Variants in GCNT2 observed in about 807,000 individuals in gnomAD.
The protein encoded by GCNT2 is glucosaminyl (N-acetyl) transferase 2 (I blood group).
A neutral mutation model predicts 34.2 loss-of-function variants in GCNT2; 34 were observed. The ratio of observed to expected loss-of-function variants is 1.00; its 90% CI spans 0.76 to 1.32. The LOEUF (loss-of-function observed/expected upper bound fraction) is 1.32, where lower values mean the gene tolerates loss of function less well. GCNT2 is among the 40% of genes most tolerant of loss of function. GCNT2 has a pLI of 0.00. For synonymous variants in GCNT2, 212 were observed against 188.0 expected, an observed-to-expected ratio of 1.13 and a Z score of -1.04; for missense variants, 584 against 489.4, an observed-to-expected ratio of 1.19 and a Z score of -1.82.
intron 3 of GCNT2, among the ~76,000 whole-genome samples, chr6:10,539,365 T>G (rs1223486279): frequency 6.6e-6 from 1 of 151,772 alleles, no homozygotes; most frequent in South Asian, 2.1e-4. Flanking sequence ...AATTTTGTAT[T>G]TTTAGTAGAG....
intron 3 of GCNT2, among the ~76,000 whole-genome samples, chr6:10,535,876 GT>G (rs1561783087): frequency 6.6e-6 from 1 of 152,120 alleles, no homozygotes. Flanking sequence ...CTTCCAATTT[GT>G]TTTTCCCCTG....
In GCNT2 at chr6:10,628,147, T is replaced by A. The variant is rs4621625; in HGVS notation, c.*1540T>A. 6.6e-6 allele frequency: 1 copy of A among 152,566 alleles called. No homozygotes were observed. The highest frequency in any genetic ancestry group is 2.1e-4 in the South Asian group (1 of 4,826). 9.5% of individuals were successfully genotyped at this position (152,566 alleles called of 1,614,324 possible). ...AGGTGAAATAAAGCCATATTTAGTA[T>A]ACCAGAGAAGGTAGATTTTAAGAAT... On this transcript the variant is annotated 3_prime_UTR_variant, in exon 5 of 5. Transcript: ENST00000495262.
chr6:10,611,557 T>A (rs558171083), intron 3 of GCNT2, among the ~76,000 whole-genome samples: 1 of 151,998 alleles, frequency 6.6e-6, no homozygotes, highest in Admixed American at 6.6e-5. Context: ...TCTCGATCTC[T>A]TGATCTCGTG....
intron 3 of GCNT2, among the ~76,000 whole-genome samples, chr6:10,532,109 G>A (rs1761521331): frequency 6.6e-6 from 1 of 152,074 alleles, no homozygotes; most frequent in African/African-American, 2.4e-5. Context: ...CAAAGCCAAG[G>A]GAAGCAGGGC....
In GCNT2 at chr6:10,627,322, TTAAGAACAC is replaced by T. The variant is rs1324983038; in HGVS notation, c.*719_*727del. The T allele has an allele frequency of 6.6e-6, 1 of 152,326 alleles. No homozygotes were observed. The highest frequency in any genetic ancestry group is 1.5e-5 in the Non-Finnish European group (1 of 68,126). 9.4% of individuals were successfully genotyped at this position (152,326 alleles called of 1,614,324 possible). ...GCTGGTCCCTATGTCATGTCTTCCA[TTAAGAACAC>T]TAAAAAGTCCTTGCAAGAATGGAGA... is the stretch of plus-strand genomic sequence containing the variant. On this transcript the variant is annotated 3_prime_UTR_variant, in exon 5 of 5. Coordinates refer to ENST00000495262, the MANE Select transcript of GCNT2 (RefSeq NM_145649.5).
At chr6:10,624,368 CAGAATGAGAGCCA>C (rs923647477) in intron 4 of GCNT2, among the ~76,000 whole-genome samples, 23 of 152,254 alleles carry the variant, frequency 1.5e-4, no homozygotes, top group South Asian at 1.0e-3. Flanking sequence ...GCAGGAAAAA[CAGAATGAGAGCCA>C]AGAATGAGAG....
At chr6:10,579,136 A>G (rs531024529) in intron 3 of GCNT2, among the ~76,000 whole-genome samples, 2 of 151,922 alleles carry the variant, frequency 1.3e-5, no homozygotes, top group South Asian at 4.2e-4. Context: ...ATTGTCATGT[A>G]CTCTGCCTGC....
intron 3 of GCNT2, among the ~76,000 whole-genome samples, chr6:10,585,068 TGTGTGTGTGTGC>T (rs70991031): frequency 0.11 from 14,175 of 126,388 alleles, 882 homozygotes; most frequent in Middle Eastern, 0.15. Flanking sequence ...TGTGTGTGTG[TGTGTGTGTGTGC>T]GCGCTATATT....
At chr6:10,539,180 CTTTTTTTTTTTTT>C (rs71548847) in intron 3 of GCNT2, among the ~76,000 whole-genome samples, 2 of 65,328 alleles carry the variant, frequency 3.1e-5, no homozygotes, top group African/African-American at 1.2e-4. Flanking sequence ...CTCACCGTCT[CTTTTTTTTTTTTT>C]TTTTTTTTTT....
chr6:10,575,937 C>CG (rs1245325725), intron 3 of GCNT2, among the ~76,000 whole-genome samples: 5 of 148,052 alleles, frequency 3.4e-5, no homozygotes, highest in Non-Finnish European at 3.0e-5. Context: ...ACGGCCCCAC[C>CG]CCATCTCCCT....
At chr6:10,585,615 A>C (rs1281683315) in intron 3 of GCNT2, 1 of 313,026 alleles carries the variant, frequency 3.2e-6, no homozygotes, top group Non-Finnish European at 5.8e-6. Context: ...AGCAAGAGAA[A>C]CTCGGCTCCA....
rs76874923 is a variant in GCNT2 at position 10,531,303 on chromosome 6, G to A, written c.925+1467G>A. Among the ~76,000 whole-genome samples, 694 of 152,280 alleles carry A rather than the reference G, an allele frequency of 4.6e-3. 4 individuals carry two copies. The highest frequency in any genetic ancestry group is 0.016 in the African/African-American group (668 of 41,546). On this transcript the variant is annotated intron_variant, in intron 3 of 4. Coordinates refer to ENST00000495262, the MANE Select transcript of GCNT2 (RefSeq NM_145649.5). ...AAGTTGTTTATAGTGAACCAATTTA[G>A]TCCTGCTAGTTCAATTCAAAATAAG...
At chr6:10,595,901 G>A (rs1172359338) in intron 3 of GCNT2, among the ~76,000 whole-genome samples, 2 of 152,118 alleles carry the variant, frequency 1.3e-5, no homozygotes, top group Non-Finnish European at 1.5e-5. Context: ...AGCCAGTTTC[G>A]ACAATCATCA....
At chr6:10,592,868 G>A (rs1419881452) in intron 3 of GCNT2, among the ~76,000 whole-genome samples, 1 of 152,010 alleles carries the variant, frequency 6.6e-6, no homozygotes, top group Admixed American at 6.6e-5. Flanking sequence ...AGCCTCCCAA[G>A]TAGCTGGGAC....
At chr6:10,528,049 A>G (rs1416017841) in intron 2 of GCNT2, among the ~76,000 whole-genome samples, 3 of 152,170 alleles carry the variant, frequency 2.0e-5, no homozygotes, top group South Asian at 2.1e-4. Flanking sequence ...CCTGTATGCA[A>G]TTTTGGGTGA....
chr6:10,523,972 C>CAAAAAAAA, intron 1 of GCNT2, among the ~76,000 whole-genome samples: 1 of 68,356 alleles, frequency 1.5e-5, no homozygotes, highest in Non-Finnish European at 2.7e-5. Flanking sequence ...GACTCTGTCT[C>CAAAAAAAA]AAAAAAAAAA....
intron 3 of GCNT2, among the ~76,000 whole-genome samples, chr6:10,536,748 G>A (rs187096487): frequency 7.6e-5 from 11 of 144,686 alleles, no homozygotes; most frequent in Non-Finnish European, 1.3e-4. Flanking sequence ...CTGTCACCCA[G>A]GCTGGAGTAC....
At chr6:10,566,251 G>A (rs1763279522) in intron 3 of GCNT2, among the ~76,000 whole-genome samples, 1 of 151,592 alleles carries the variant, frequency 6.6e-6, no homozygotes, top group African/African-American at 2.4e-5. Context: ...TCACTCATCT[G>A]GACTCCCGTA....
At position 10,588,987 on chromosome 6, in the gene GCNT2, TGTGTG is replaced by T. The variant is rs1191920091; in HGVS notation, c.926-32357_926-32353del. 2.1e-5 allele frequency among the ~76,000 whole-genome samples: 3 copies of T among 144,844 alleles called. No individual in the cohort carries two copies. In the Admixed American group the frequency reaches 2.1e-4, roughly 10 times the overall value. ...GGTGTGTGTGTATGTATGGTGTGGT[TGTGTG>T]GTGTGGGTGTGTGTGTGGTGTGTAT... is the stretch of plus-strand genomic sequence containing the variant. On this transcript the variant is annotated intron_variant, in intron 3 of 4. Coordinates refer to ENST00000495262, the MANE Select transcript of GCNT2 (RefSeq NM_145649.5).
Sources: gnomAD v4.1 joint callset for allele counts (sites outside exome capture counted in the v4.1 genomes callset) on GRCh38, gnomAD v4.1.1 for gene constraint, MANE v1.5 for transcripts, NCBI Gene and HGNC (gene_info 2026-07-23, HGNC 2026-07-21) for gene names.